Variants in LRCH1 observed in about 807,000 individuals in gnomAD.
LRCH1 encodes leucine-rich repeat and calponin homology domain-containing protein 1.
Under a neutral mutation model 94.9 loss-of-function variants are expected in LRCH1, and 23 were observed. That is an observed-to-expected ratio of 0.24 (90% CI 0.17 to 0.34). The LOEUF is 0.34. Among genes scored for constraint, LRCH1 ranks in the 10% least tolerant of loss-of-function variants. The pLI is 1.00. For missense variants in LRCH1, 790 were observed against 945.9 expected (o/e 0.84, Z 2.16); for synonymous variants, 364 against 354.9 (o/e 1.03, Z -0.29).
chr13:46,564,977 A>G (rs1049556319), intron 1 of LRCH1, among the ~76,000 whole-genome samples: 2 of 152,236 alleles, frequency 1.3e-5, no homozygotes, highest in Non-Finnish European at 2.9e-5. Context: ...TCAGCCTATC[A>G]TTAGCATAGA....
intron 16 of LRCH1, among the ~76,000 whole-genome samples, chr13:46,719,921 C>G (rs895277766): frequency 6.6e-6 from 1 of 152,152 alleles, no homozygotes; most frequent in Admixed American, 6.5e-5. Context: ...TCTCTTGAAC[C>G]TGGGAGGCGG....
intron 9 of LRCH1, among the ~76,000 whole-genome samples, chr13:46,697,973 A>G (rs1358554196): frequency 6.6e-6 from 1 of 152,228 alleles, no homozygotes; most frequent in Non-Finnish European, 1.5e-5. Flanking sequence ...ACCCAACAAA[A>G]CGAAGTAAGA....
intron 1 of LRCH1, among the ~76,000 whole-genome samples, chr13:46,644,242 G>C (rs1478991015): frequency 6.6e-6 from 1 of 152,154 alleles, no homozygotes; most frequent in African/African-American, 2.4e-5. Context: ...TGCTTGAATT[G>C]GTCAATGCGT....
chr13:46,747,372 G>A (rs74080649), downstream of LRCH1, among the ~76,000 whole-genome samples: 10,976 of 152,174 alleles, frequency 0.072, 691 homozygotes, highest in African/African-American at 0.15. Context: ...CCTTTCCCTC[G>A]CATGCCCTTC....
intron 1 of LRCH1, among the ~76,000 whole-genome samples, chr13:46,612,647 G>A (rs1009489669): frequency 4.6e-5 from 7 of 152,126 alleles, no homozygotes; most frequent in Non-Finnish European, 7.4e-5. Flanking sequence ...TGGGGAAAAC[G>A]TATAGCTAGC....
intron 3 of LRCH1, among the ~76,000 whole-genome samples, chr13:46,675,383 A>G (rs2138130370): frequency 1.3e-5 from 2 of 152,252 alleles, no homozygotes; most frequent in African/African-American, 4.8e-5. Flanking sequence ...CTCTGAAGTC[A>G]TGCAGTGTGT....
rs368167224 is a variant in LRCH1 at position 46,637,166 on chromosome 13, A to T, written c.308-13035A>T. On this transcript the variant is annotated intron_variant, in intron 1 of 19. Transcript: ENST00000389797. ...ACTACTCTTTTTCTCTCAAACCCCC[A>T]TCCAATCAGCAAATTCAGTTGGCTT... Among the ~76,000 whole-genome samples the T allele has an allele frequency of 2.2e-4, 33 of 152,250 alleles. 3 individuals carry two copies. The highest frequency in any genetic ancestry group is 1.8e-3 in the Admixed American group (27 of 15,288).
intron 1 of LRCH1, among the ~76,000 whole-genome samples, chr13:46,557,205 C>T (rs908122682): frequency 1.3e-5 from 2 of 150,118 alleles, no homozygotes; most frequent in Admixed American, 1.3e-4. Flanking sequence ...TAAGTAGTGT[C>T]GTTTTGAATG....
intron 3 of LRCH1, among the ~76,000 whole-genome samples, chr13:46,673,154 G>C (rs1395627911): frequency 6.6e-6 from 1 of 151,960 alleles, no homozygotes; most frequent in Non-Finnish European, 1.5e-5. Flanking sequence ...CTAAGTCTTT[G>C]AAATCCTGTG....
intron 4 of LRCH1, among the ~76,000 whole-genome samples, chr13:46,682,533 G>A (rs1409793015): frequency 1.3e-5 from 2 of 152,172 alleles, no homozygotes; most frequent in Non-Finnish European, 2.9e-5. Context: ...GTGACGTTTT[G>A]GAACGTGAAA....
At chr13:46,604,907 G>C (rs1030627170) in intron 1 of LRCH1, among the ~76,000 whole-genome samples, 1 of 152,230 alleles carries the variant, frequency 6.6e-6, no homozygotes, top group East Asian at 1.9e-4. Flanking sequence ...GGGCATCGGA[G>C]AATGTTCTCA....
Position 46,699,399 on chromosome 13 carries a change from G to A in LRCH1, c.1309G>A (p.Gly437Ser), listed in dbSNP as rs930683930. ...AGAGGATGTGCACTGGCAAACTGAG[G>A]GCATGTGAGTGCCGAGGCCTTGGTT... ...IEEDVHWQTE[G>S]IISSSKDQDM... is the part of the protein sequence containing the mutation. The change falls in exon 10 of 20, where the codon GGC (glycine) becomes AGC (serine). Residue 437 changes from glycine (G) to serine (S), a missense_variant. Physicochemically the swap from Gly to Ser is moderately conservative, Grantham distance 56 (BLOSUM62 0). Transcript: ENST00000389797. The A allele has an allele frequency of 1.2e-6, 2 of 1,613,852 alleles. No individual in the cohort carries two copies. The highest frequency in any genetic ancestry group is 1.6e-4 in the Middle Eastern group (1 of 6,062).
chr13:46,679,828 T>C (rs1040318987), intron 3 of LRCH1: 2 of 152,342 alleles, frequency 1.3e-5, no homozygotes, highest in Non-Finnish European at 2.9e-5. Flanking sequence ...GTGATACTGT[T>C]CCTCTTCATC....
At chr13:46,590,655 A>T (rs2050489064) in intron 1 of LRCH1, among the ~76,000 whole-genome samples, 2 of 152,120 alleles carry the variant, frequency 1.3e-5, no homozygotes, top group Admixed American at 1.3e-4. Context: ...ACAGAGCAAG[A>T]CCCTATCTCA....
intron 1 of LRCH1, among the ~76,000 whole-genome samples, chr13:46,585,989 A>T (rs11842963): frequency 0.026 from 3,931 of 152,176 alleles, 165 homozygotes; most frequent in African/African-American, 0.089. Flanking sequence ...CTCAGTCATG[A>T]GTATTGGGGA....
chr13:46,693,399 G>A (rs1383651289), intron 8 of LRCH1, among the ~76,000 whole-genome samples: 1 of 152,180 alleles, frequency 6.6e-6, no homozygotes, highest in Non-Finnish European at 1.5e-5. Context: ...GCCAGAAGAA[G>A]AGCGTGGAGG....
intron 1 of LRCH1, among the ~76,000 whole-genome samples, chr13:46,572,888 G>A (rs35922210): frequency 1.3e-5 from 2 of 151,852 alleles, no homozygotes; most frequent in East Asian, 1.9e-4. Flanking sequence ...GGATAGTAGC[G>A]TGCTCAGTAG....
chr13:46,718,017 C>T (rs1471516642), intron 16 of LRCH1, among the ~76,000 whole-genome samples: 1 of 152,204 alleles, frequency 6.6e-6, no homozygotes, highest in Admixed American at 6.5e-5. Flanking sequence ...ACCCCTGGAG[C>T]TGGATGGGAC....
At chr13:46,714,242 A>G (rs748166134) in intron 15 of LRCH1, among the ~76,000 whole-genome samples, 3 of 152,218 alleles carry the variant, frequency 2.0e-5, no homozygotes, top group Admixed American at 6.5e-5. Context: ...TGAAAGCTCT[A>G]TGGAGTTTGG....
Sources: allele counts gnomAD v4.1 joint callset (sites outside exome capture counted in the v4.1 genomes callset), GRCh38; gene constraint gnomAD v4.1.1; transcripts MANE v1.5; gene names NCBI Gene and HGNC (gene_info 2026-07-23, HGNC 2026-07-21).